Variants in XYLT1 observed in about 807,000 individuals in gnomAD.
The protein encoded by XYLT1 is beta-D-xylosyltransferase 1.
XYLT1 carries 36 observed loss-of-function variants against 91.3 expected under a neutral mutation model. That is an observed-to-expected ratio of 0.39 (90% CI 0.30 to 0.52). The LOEUF (loss-of-function observed/expected upper bound fraction) is 0.52. XYLT1 is among the 20% of genes least tolerant of loss of function. The pLI is 0.68. For synonymous variants in XYLT1, 588 were observed against 532.0 expected (o/e 1.11, Z -1.45); for missense variants, 1,242 against 1,284.5 (o/e 0.97, Z 0.51).
chr16:17,198,526 G>A, intron 4 of XYLT1, 112 bp from the exon 5 acceptor site: 1 of 1,037,418 alleles, frequency 9.6e-7, no homozygotes, highest in South Asian at 1.6e-5. Flanking sequence ...GCACTTCTGA[G>A]CACAGTGGCC....
intron 2 of XYLT1, chr16:17,338,424 A>C: frequency 2.2e-6 from 1 of 456,518 alleles, no homozygotes; most frequent in South Asian, 1.5e-5. Context: ...ACTTTGGAAA[A>C]GGCTGCAACA....
At chr16:17,138,699 G>A (rs1597146695) in intron 7 of XYLT1, 168 bp from the exon 8 acceptor site, 2 of 647,128 alleles carry the variant, frequency 3.1e-6, no homozygotes, top group East Asian at 3.2e-5. Flanking sequence ...TTGCAGAACT[G>A]CAAGCCAAAT....
intron 3 of XYLT1, among the ~76,000 whole-genome samples, chr16:17,213,817 C>T (rs1221582947): frequency 6.6e-6 from 1 of 152,082 alleles, no homozygotes; most frequent in Non-Finnish European, 1.5e-5. Flanking sequence ...ACAGTTTTCA[C>T]TATGTTGGCC....
intron 2 of XYLT1, among the ~76,000 whole-genome samples, chr16:17,339,122 G>A (rs1473750223): frequency 6.6e-6 from 1 of 152,196 alleles, no homozygotes; most frequent in Non-Finnish European, 1.5e-5. Context: ...ACCCTGTGAT[G>A]AACATCTTGC....
Position 17,312,280 on chromosome 16 carries a change from G to T in XYLT1, c.402+45732C>A, listed in dbSNP as rs1032166283. ...GAGGGAGATCCAGGGGAAGGGTAGG[G>T]CCTGGAGATCACAGAAGTTCTGCCT... is the stretch of plus-strand genomic sequence containing the variant. On this transcript the variant is annotated intron_variant, in intron 2 of 11. Transcript: ENST00000261381. The surrounding 1 kb of genome is among the most constrained non-coding windows in gnomAD (Gnocchi z 4.4). Among the ~76,000 whole-genome samples the T allele has an allele frequency of 1.3e-5, 2 of 152,096 alleles. No homozygotes were observed. The highest frequency in any genetic ancestry group is 6.5e-5 in the Admixed American group (1 of 15,274).
intron 5 of XYLT1, among the ~76,000 whole-genome samples, chr16:17,163,912 G>C (rs1190449670): frequency 1.3e-5 from 2 of 151,752 alleles, no homozygotes; most frequent in Non-Finnish European, 2.9e-5. Context: ...AGCCAGGTGT[G>C]GTGGCATGCG....
intron 2 of XYLT1, among the ~76,000 whole-genome samples, chr16:17,304,374 C>T (rs1031910356): frequency 2.0e-5 from 3 of 152,114 alleles, no homozygotes; most frequent in Non-Finnish European, 4.4e-5. Context: ...TTTTCCCCCT[C>T]CTTCCTCCCC....
At chr16:17,269,521 G>A (rs1421012654) in intron 2 of XYLT1, among the ~76,000 whole-genome samples, 1 of 152,102 alleles carries the variant, frequency 6.6e-6, no homozygotes, top group Non-Finnish European at 1.5e-5. Flanking sequence ...AACATCCCTG[G>A]GATGACCCCA....
intron 1 of XYLT1, among the ~76,000 whole-genome samples, chr16:17,456,586 C>T (rs748348): frequency 0.11 from 17,312 of 152,192 alleles, 1,107 homozygotes; most frequent in Non-Finnish European, 0.15. Context: ...AGCGATCTTC[C>T]CACCTAGGCC....
At chr16:17,382,336 A>G (rs1166284203) in intron 1 of XYLT1, among the ~76,000 whole-genome samples, 2 of 151,858 alleles carry the variant, frequency 1.3e-5, no homozygotes, top group African/African-American at 4.8e-5. Flanking sequence ...GCTGCCCCAT[A>G]AAACTTTCTG....
intron 1 of XYLT1, among the ~76,000 whole-genome samples, chr16:17,393,862 G>A (rs138157288): frequency 0.15 from 22,386 of 151,814 alleles, 1,945 homozygotes; most frequent in Middle Eastern, 0.22. Context: ...TGCAAGCTCC[G>A]CCTCCTGGGT....
intron 5 of XYLT1, chr16:17,193,180 A>G (rs1335938976): frequency 6.6e-6 from 1 of 152,192 alleles, no homozygotes; most frequent in Non-Finnish European, 1.5e-5. Flanking sequence ...ACTCTATCAA[A>G]GAGAAAAGGG....
At chr16:17,367,319 C>A (rs1460119004) in intron 1 of XYLT1, among the ~76,000 whole-genome samples, 1 of 152,226 alleles carries the variant, frequency 6.6e-6, no homozygotes, top group Non-Finnish European at 1.5e-5. Flanking sequence ...CTGGCTAAAT[C>A]CCACCATGCC....
chr16:17,225,937 A>T (rs1009609545), intron 3 of XYLT1, among the ~76,000 whole-genome samples: 1 of 152,188 alleles, frequency 6.6e-6, no homozygotes, highest in Non-Finnish European at 1.5e-5. Flanking sequence ...TGTAAATTAC[A>T]TATTTACCTT....
chr16:17,364,276 A>G (rs2035420442), intron 1 of XYLT1, among the ~76,000 whole-genome samples: 1 of 152,178 alleles, frequency 6.6e-6, no homozygotes, highest in African/African-American at 2.4e-5. Context: ...CAAAGTGGAA[A>G]ACAGATTTTC....
At chr16:17,383,164 C>T (rs2035702482) in intron 1 of XYLT1, among the ~76,000 whole-genome samples, 1 of 151,816 alleles carries the variant, frequency 6.6e-6, no homozygotes, top group Admixed American at 6.6e-5. Context: ...CAGACCGTTC[C>T]TTCTAAACCA....
At chr16:17,332,102 G>A (rs2034906396) in intron 2 of XYLT1, among the ~76,000 whole-genome samples, 1 of 152,172 alleles carries the variant, frequency 6.6e-6, no homozygotes, top group African/African-American at 2.4e-5. Flanking sequence ...TGTTCACCCT[G>A]TCCCCAGATA....
Position 17,138,494 on chromosome 16 carries a change from C to T in XYLT1, c.1625G>A (p.Cys542Tyr). ...FHTVLENSPHCDTMVDNNLRI... is the reference protein window; with the variant it reads ...FHTVLENSPHYDTMVDNNLRI... Reference sequence around the variant, plus strand: ...CAGGTTGTTGTCCACCATGGTGTCGCAGTGGGGGCTGTTCTCCAGGACCGT... The same window carrying T: ...CAGGTTGTTGTCCACCATGGTGTCGTAGTGGGGGCTGTTCTCCAGGACCGT... Residue 542 changes from cysteine to tyrosine, a missense_variant, in exon 8 of 12, where the codon TGC becomes TAC. Physicochemically the swap from Cys to Tyr is radical, Grantham distance 194. Coordinates refer to ENST00000261381, the MANE Select transcript of XYLT1 (RefSeq NM_022166.4). 1 of 1,614,052 alleles carries T rather than the reference C, an allele frequency of 6.2e-7. No homozygotes were observed. The highest frequency in any genetic ancestry group is 8.5e-7 in the Non-Finnish European group (1 of 1,180,012).
chr16:17,389,491 A>G (rs2035788642), intron 1 of XYLT1, among the ~76,000 whole-genome samples: 1 of 152,330 alleles, frequency 6.6e-6, no homozygotes, highest in South Asian at 2.1e-4. Flanking sequence ...AGAAAGGAGT[A>G]CAGACATTCT....
Sources: allele counts gnomAD v4.1 joint callset (sites outside exome capture counted in the v4.1 genomes callset), GRCh38; gene constraint gnomAD v4.1.1; non-coding constraint Gnocchi (gnomAD v3.1); transcripts MANE v1.5; gene names NCBI Gene and HGNC (gene_info 2026-07-23, HGNC 2026-07-21).